The following RIMS1 variants were observed in gnomAD, a reference collection of about 807,000 sequenced individuals.
RIMS1 encodes the protein regulating synaptic membrane exocytosis protein 1.
In RIMS1, 83 loss-of-function variants were observed where a neutral mutation model predicts 214.1. The ratio of observed to expected loss-of-function variants is 0.39; its 90% CI spans 0.32 to 0.47. The LOEUF is 0.47. Ranked by LOEUF, RIMS1 falls within the 20% of genes least tolerant of loss-of-function variation. RIMS1 has a pLI of 0.99. For missense variants in RIMS1, 2,050 were observed against 2,161.8 expected, an observed-to-expected ratio of 0.95 and a Z score of 1.03; for synonymous variants, 793 against 786.8, an observed-to-expected ratio of 1.01 and a Z score of -0.13.
At chr6:72,296,703 T>C (rs906237917) in intron 26 of RIMS1, among the ~76,000 whole-genome samples, 2 of 151,924 alleles carry the variant, frequency 1.3e-5, no homozygotes, top group African/African-American at 4.8e-5. Context: ...TATAATTCTG[T>C]ATAATTTAAT....
chr6:72,133,973 AT>A (rs1417898794), intron 4 of RIMS1, among the ~76,000 whole-genome samples: 2 of 152,130 alleles, frequency 1.3e-5, no homozygotes, highest in African/African-American at 4.8e-5. Flanking sequence ...CAGTTTTTTC[AT>A]TTGCAAAGTG....
rs1306244035 is a variant in RIMS1, at chr6:72,291,943, A to G, written c.3747A>G (p.Arg1249=). Residue 1249 remains arginine (R), a synonymous_variant, in exon 26 of 34, where the codon CGA becomes CGG. Coordinates refer to ENST00000521978, the MANE Select transcript of RIMS1 (RefSeq NM_014989.7). ...PPSPLLTRMH[R]QRSPTQSPPA... ...TGCTTTTTGCCTGCAGAATGCACCG[A>G]CAGAGAAGTCCAACACAATCTCCTC... is the stretch of plus-strand genomic sequence containing the variant. 1 of 1,558,480 alleles carries G rather than the reference A, an allele frequency of 6.4e-7. No homozygotes were observed. The highest frequency in any genetic ancestry group is 8.7e-7 in the Non-Finnish European group (1 of 1,151,116).
At chr6:72,148,350 C>A (rs552516920) in intron 4 of RIMS1, among the ~76,000 whole-genome samples, 1 of 152,122 alleles carries the variant, frequency 6.6e-6, no homozygotes, top group Non-Finnish European at 1.5e-5. Flanking sequence ...TTGTTCCTTT[C>A]TCTTTCTAGA....
chr6:72,058,533 G>A (rs1470134628), intron 2 of RIMS1, among the ~76,000 whole-genome samples: 1 of 152,138 alleles, frequency 6.6e-6, no homozygotes, highest in Non-Finnish European at 1.5e-5. Flanking sequence ...CCCATCCCTT[G>A]TAGGAACCCT....
chr6:72,240,340 C>T (rs1041558427), intron 9 of RIMS1, among the ~76,000 whole-genome samples: 9 of 152,106 alleles, frequency 5.9e-5, no homozygotes, highest in African/African-American at 2.2e-4. Context: ...CTGGTTGCAG[C>T]TCATTATTGG....
chr6:72,029,552 G>A (rs1214140970), intron 2 of RIMS1, among the ~76,000 whole-genome samples: 1 of 152,086 alleles, frequency 6.6e-6, no homozygotes, highest in African/African-American at 2.4e-5. Context: ...GAATTTGTTG[G>A]CATCATGATA....
chr6:72,342,012 G>A (rs1278403503), intron 29 of RIMS1, among the ~76,000 whole-genome samples: 1 of 151,758 alleles, frequency 6.6e-6, no homozygotes, highest in Non-Finnish European at 1.5e-5. Flanking sequence ...AAAATCACTT[G>A]TATGCTTCTT....
At chr6:72,065,302 T>C (rs1330875337) in intron 2 of RIMS1, among the ~76,000 whole-genome samples, 1 of 152,190 alleles carries the variant, frequency 6.6e-6, no homozygotes, top group African/African-American at 2.4e-5. Flanking sequence ...AAGAAGGAAT[T>C]ATTTTTATGA....
intron 6 of RIMS1, among the ~76,000 whole-genome samples, chr6:72,194,315 T>C (rs1187614602): frequency 1.2e-5 from 1 of 83,502 alleles, no homozygotes; most frequent in African/African-American, 3.1e-5. Context: ...AAAAGGACAG[T>C]TTATCAGTTA....
chr6:72,059,270 A>T (rs1342625269), intron 2 of RIMS1, among the ~76,000 whole-genome samples: 5 of 152,182 alleles, frequency 3.3e-5, no homozygotes, highest in African/African-American at 1.2e-4. Context: ...TCTGTTGCCC[A>T]CGCTGCAGTA....
intron 1 of RIMS1, among the ~76,000 whole-genome samples, chr6:71,903,747 AGT>A (rs202222563): frequency 1.3e-5 from 2 of 151,582 alleles, no homozygotes; most frequent in Non-Finnish European, 2.9e-5. Context: ...AAGGATTAGT[AGT>A]GTGTGTGTGT....
chr6:72,351,310 C>T (rs1391676311), intron 29 of RIMS1, among the ~76,000 whole-genome samples: 2 of 152,084 alleles, frequency 1.3e-5, no homozygotes, highest in African/African-American at 2.4e-5. Context: ...TAAATGGCTA[C>T]TGTTTTTATT....
At chr6:72,161,693 C>T (rs1288640028) in intron 4 of RIMS1, among the ~76,000 whole-genome samples, 5 of 140,216 alleles carry the variant, frequency 3.6e-5, no homozygotes, top group South Asian at 2.3e-4. Flanking sequence ...TGTAGGTGAG[C>T]GGTTTTGAGT....
chr6:71,992,419 T>TTTCTTTCC (rs1052943317), intron 2 of RIMS1, among the ~76,000 whole-genome samples: 21 of 74,126 alleles, frequency 2.8e-4, no homozygotes, highest in African/African-American at 1.3e-3. Flanking sequence ...TCTTTCTTTC[T>TTTCTTTCC]TTCTTTCTTT....
chr6:72,338,337 G>A (rs1311916032), intron 29 of RIMS1, among the ~76,000 whole-genome samples: 6 of 152,000 alleles, frequency 3.9e-5, no homozygotes, highest in Admixed American at 3.9e-4. Flanking sequence ...TTCTCTGATG[G>A]CCAGTGATGG....
chr6:72,367,301 A>G (rs2098067770), intron 29 of RIMS1, among the ~76,000 whole-genome samples: 1 of 152,168 alleles, frequency 6.6e-6, no homozygotes, highest in Non-Finnish European at 1.5e-5. Context: ...ACTGTATACA[A>G]TATAGCCCTT....
At chr6:71,889,321 A>G (rs776813536) in intron 1 of RIMS1, among the ~76,000 whole-genome samples, 2 of 152,172 alleles carry the variant, frequency 1.3e-5, no homozygotes, top group African/African-American at 4.8e-5. Context: ...ATAAGATTGT[A>G]TGGGCTTATA....
intron 2 of RIMS1, among the ~76,000 whole-genome samples, chr6:72,006,931 C>T (rs936293217): frequency 6.6e-6 from 1 of 152,214 alleles, no homozygotes; most frequent in Non-Finnish European, 1.5e-5. Flanking sequence ...CAGAAGAAAC[C>T]TCTGCAGACT....
intron 29 of RIMS1, among the ~76,000 whole-genome samples, chr6:72,340,501 A>G (rs1387185951): frequency 2.5e-4 from 36 of 146,454 alleles, no homozygotes; most frequent in East Asian, 4.0e-4. Flanking sequence ...CTTTCTACAT[A>G]TGGCTAGCCA....
Sources: allele counts gnomAD v4.1 joint callset (sites outside exome capture counted in the v4.1 genomes callset), GRCh38; gene constraint gnomAD v4.1.1; transcripts MANE v1.5; gene names NCBI Gene and HGNC (gene_info 2026-07-23, HGNC 2026-07-21).